The following EPB41L4A variants were observed in gnomAD, a reference collection of about 807,000 sequenced individuals.
The protein encoded by EPB41L4A is erythrocyte membrane protein band 4.1 like 4A, also known as band 4.1-like protein 4A.
Under a neutral mutation model 108.6 loss-of-function variants are expected in EPB41L4A, and 100 were observed. The ratio of observed to expected loss-of-function variants is 0.92; its 90% CI spans 0.78 to 1.09. The LOEUF (loss-of-function observed/expected upper bound fraction) is 1.09. Ranked by LOEUF, EPB41L4A falls within the 50% of genes least tolerant of loss-of-function variation. EPB41L4A has a pLI of 0.00. For missense variants in EPB41L4A, 1,030 were observed against 842.7 expected (o/e 1.22, Z -2.75); for synonymous variants, 319 against 289.0 (o/e 1.10, Z -1.05).
At chr5:112,377,215 GAAAA>G (rs576720562) in intron 1 of EPB41L4A, among the ~76,000 whole-genome samples, 2 of 101,710 alleles carry the variant, frequency 2.0e-5, no homozygotes, top group African/African-American at 3.3e-5. Flanking sequence ...CTGTTTGTTT[GAAAA>G]AAAAAAAAAA....
chr5:112,302,735 G>A (rs1754444085), intron 2 of EPB41L4A, among the ~76,000 whole-genome samples: 1 of 152,138 alleles, frequency 6.6e-6, no homozygotes, highest in Admixed American at 6.5e-5. Context: ...GAAACATCTG[G>A]GTTGAAGATA....
Position 112,278,078 on chromosome 5 carries a change from G to C in EPB41L4A, c.256+2194C>G, listed in dbSNP as rs575029366. Reference sequence around the variant, plus strand: ...ATCAAGATTAACTATAAGCATTCTGGTAACTAGCAAATGTTCTGTCATTTT... The same window carrying C: ...ATCAAGATTAACTATAAGCATTCTGCTAACTAGCAAATGTTCTGTCATTTT... On this transcript the variant is annotated intron_variant, in intron 3 of 22. Transcript: ENST00000261486. Among the ~76,000 whole-genome samples, 138 of 152,160 alleles carry C rather than the reference G, an allele frequency of 9.1e-4. 1 individual carries two copies. The highest frequency in any genetic ancestry group is 1.7e-3 in the Non-Finnish European group (118 of 68,006).
At chr5:112,354,854 A>C (rs1209418612) in intron 1 of EPB41L4A, among the ~76,000 whole-genome samples, 1 of 152,216 alleles carries the variant, frequency 6.6e-6, no homozygotes, top group Non-Finnish European at 1.5e-5. Context: ...AACCTATTTA[A>C]TTTGCATTTT....
intron 18 of EPB41L4A, chr5:112,183,374 G>A: frequency 6.6e-6 from 1 of 152,452 alleles, no homozygotes; most frequent in Non-Finnish European, 1.5e-5. Context: ...TTAAAAAGGT[G>A]AGCCATGGTT....
At chr5:112,261,111 A>C (rs1366766585) in intron 7 of EPB41L4A, among the ~76,000 whole-genome samples, 1 of 152,234 alleles carries the variant, frequency 6.6e-6, no homozygotes, top group Non-Finnish European at 1.5e-5. Context: ...GTAAAACGAT[A>C]ATGATTCTAC....
chr5:112,181,300 A>C lies in EPB41L4A; in HGVS notation c.1622+2716T>G, dbSNP rs554081426. Among the ~76,000 whole-genome samples the C allele has an allele frequency of 1.5e-3, 230 of 152,196 alleles. 2 individuals are homozygous for C. Among genetic ancestry groups the C allele is most frequent in the Middle Eastern group, 3.4e-3 (1 of 294 alleles). On this transcript the variant is annotated intron_variant, in intron 18 of 22. Coordinates refer to ENST00000261486, the MANE Select transcript of EPB41L4A (RefSeq NM_022140.5). ...CCCCGTCTCTACTAAATATATAAAA[A>C]ATTAGCCGGGCGTGGTGGCGGGCGC... is the stretch of plus-strand genomic sequence containing the variant.
intron 4 of EPB41L4A, among the ~76,000 whole-genome samples, chr5:112,267,623 A>T (rs116426874): frequency 2.0e-5 from 3 of 152,054 alleles, no homozygotes; most frequent in Non-Finnish European, 4.4e-5. Flanking sequence ...TCTGAAATCT[A>T]TACTTCTCTC....
chr5:112,375,280 C>T (rs187079011), intron 1 of EPB41L4A, among the ~76,000 whole-genome samples: 203 of 151,844 alleles, frequency 1.3e-3, no homozygotes, highest in African/African-American at 4.7e-3. Flanking sequence ...ATCTTGAAGA[C>T]ACTGACCCAC....
chr5:112,409,315 A>G lies in EPB41L4A; in HGVS notation c.99+9626T>C, dbSNP rs184176092. ...GAGACAGAAAGATTAGTGGTTACAC[A>G]GTGGTGGGGGCAGGGGATGGAAGGC... On this transcript the variant is annotated intron_variant, in intron 1 of 22. Coordinates refer to ENST00000261486, the MANE Select transcript of EPB41L4A (RefSeq NM_022140.5). 4.9e-3 allele frequency among the ~76,000 whole-genome samples: 746 copies of G among 152,284 alleles called. 9 individuals are homozygous for G. The highest frequency in any genetic ancestry group is 0.016 in the African/African-American group (684 of 41,562).
chr5:112,272,298 G>A (rs1328802660), intron 4 of EPB41L4A, among the ~76,000 whole-genome samples: 6 of 151,388 alleles, frequency 4.0e-5, no homozygotes, highest in Admixed American at 2.0e-4. Context: ...CCGCCGCCAC[G>A]CGCAGCTGAT....
intron 1 of EPB41L4A, among the ~76,000 whole-genome samples, chr5:112,371,997 C>G (rs1759525787): frequency 6.6e-6 from 1 of 151,936 alleles, no homozygotes; most frequent in African/African-American, 2.4e-5. Flanking sequence ...TAAGACCAGC[C>G]TAGGCAACAA....
intron 2 of EPB41L4A, among the ~76,000 whole-genome samples, chr5:112,291,133 GCTCC>G (rs1273479675): frequency 1.3e-5 from 2 of 152,178 alleles, no homozygotes; most frequent in East Asian, 3.9e-4. Flanking sequence ...TGAAAAACCA[GCTCC>G]CTATCACTCC....
At chr5:112,330,377 A>G (rs555234439) in intron 1 of EPB41L4A, among the ~76,000 whole-genome samples, 6 of 152,292 alleles carry the variant, frequency 3.9e-5, no homozygotes, top group African/African-American at 1.4e-4. Flanking sequence ...CAGAACTGAA[A>G]GATGACAATA....
At chr5:112,238,972 A>G (rs577946957) in intron 11 of EPB41L4A, among the ~76,000 whole-genome samples, 1 of 152,200 alleles carries the variant, frequency 6.6e-6, no homozygotes, top group Non-Finnish European at 1.5e-5. Context: ...ACAGGCTAAC[A>G]GTTTGCCTAA....
chr5:112,257,527 T>G (rs1751191659), intron 9 of EPB41L4A, among the ~76,000 whole-genome samples: 1 of 152,216 alleles, frequency 6.6e-6, no homozygotes, highest in Non-Finnish European at 1.5e-5. Flanking sequence ...CATGATGATA[T>G]CAATTTTGTT....
chr5:112,307,669 T>A (rs1395350686), intron 1 of EPB41L4A, among the ~76,000 whole-genome samples, 179 bp from the exon 2 acceptor site: 1 of 152,152 alleles, frequency 6.6e-6, no homozygotes, highest in African/African-American at 2.4e-5. Context: ...TAAAGCAAAA[T>A]GTATTATAGA....
chr5:112,242,689 C>T (rs757867407), intron 9 of EPB41L4A, among the ~76,000 whole-genome samples: 1 of 152,164 alleles, frequency 6.6e-6, no homozygotes, highest in Non-Finnish European at 1.5e-5. Flanking sequence ...CATTATCTAT[C>T]GCATCTATAG....
intron 20 of EPB41L4A, 80 bp from the exon 21 acceptor site, chr5:112,169,185 G>T (rs532518113): frequency 3.4e-5 from 33 of 966,772 alleles, no homozygotes; most frequent in Non-Finnish European, 4.9e-5. Context: ...TATTGAAACC[G>T]CAAAAGAATA....
chr5:112,276,630 G>C (rs1010747945), intron 3 of EPB41L4A, among the ~76,000 whole-genome samples: 1 of 152,106 alleles, frequency 6.6e-6, no homozygotes, highest in East Asian at 1.9e-4. Flanking sequence ...AAAAGTCTTC[G>C]ATACTATCTA....
Sources: allele counts gnomAD v4.1 joint callset (sites outside exome capture counted in the v4.1 genomes callset), GRCh38; gene constraint gnomAD v4.1.1; transcripts MANE v1.5; gene names NCBI Gene and HGNC (gene_info 2026-07-23, HGNC 2026-07-21).